The following RP9 variants were observed in gnomAD, a reference collection of about 807,000 sequenced individuals.
RP9 encodes the protein retinitis pigmentosa 9 protein.
A neutral mutation model predicts 32.6 loss-of-function variants in RP9; 23 were observed. The ratio of observed to expected loss-of-function variants is 0.71; its 90% confidence interval spans 0.51 to 1.00. RP9 has a LOEUF of 1.00. RP9 is among the 50% of genes least tolerant of loss of function. The pLI is 0.00. For missense variants in RP9, 245 were observed against 285.3 expected (o/e 0.86, Z 1.02); for synonymous variants, 94 against 103.6 (o/e 0.91, Z 0.56).
intron 1 of RP9, among the ~76,000 whole-genome samples, chr7:33,108,320 C>G (rs1788527795): frequency 6.6e-6 from 1 of 152,166 alleles, no homozygotes; most frequent in Admixed American, 6.5e-5. Context: ...CACTCGAGGT[C>G]TGTGTTAGAA....
chr7:33,105,493 G>A (rs967700675), intron 1 of RP9, among the ~76,000 whole-genome samples: 12 of 151,600 alleles, frequency 7.9e-5, no homozygotes, highest in African/African-American at 2.9e-4. Flanking sequence ...TTTTTTTAAA[G>A]AAGATAAAAT....
Position 33,095,157 on chromosome 7 carries a change from C to T in RP9, c.*77G>A. 1.3e-6 allele frequency: 2 copies of T among 1,583,508 alleles called. No homozygotes were observed. Among genetic ancestry groups the T allele is most frequent in the South Asian group, 2.2e-5 (2 of 90,178 alleles). On this transcript the variant is annotated 3_prime_UTR_variant, in exon 6 of 6. Coordinates refer to ENST00000297157, the MANE Select transcript of RP9 (RefSeq NM_203288.2). ...CTCCTCTCTCGGCGTCTCTATCCTG[C>T]TGCTTTCTCTGACTGCATCTTCCTC... is the stretch of plus-strand genomic sequence containing the variant.
rs1179597472 is a variant in RP9 at position 33,109,329 on chromosome 7, G to A, written c.44C>T (p.Ala15Val). Residue 15 changes from alanine to valine, a missense_variant, in exon 1 of 6, where the codon GCG becomes GTG. Around this residue, in one of 2 missense-constraint regions of RP9, gnomAD observed 182 missense variants for 175.5 expected, o/e 1.04. Transcript: ENST00000297157. This position sits in a 1 kb window ranked among gnomAD's most constrained non-coding sequence, Gnocchi z 4.9. ...PGREDVGAAG[A>V]RRPREPPEQE... ...CTCCGGCGGCTCACGCGGCCGCCGC[G>A]CGCCCGCAGCCCCCACGTCCTCGCG... 2 of 1,456,122 alleles carry A rather than the reference G, an allele frequency of 1.4e-6. No individual in the cohort carries two copies. The highest frequency in any genetic ancestry group is 4.9e-5 in the Admixed American group (2 of 41,152). The allele number at this position is 1,456,122 out of a possible 1,614,324, so 90.2% of individuals were successfully genotyped here. A position where few individuals can be genotyped will look rare whatever the true frequency, so the allele number is the denominator to read the frequency against.
At chr7:33,106,054 CA>C (rs1292959098) in intron 1 of RP9, among the ~76,000 whole-genome samples, 1 of 152,040 alleles carries the variant, frequency 6.6e-6, no homozygotes, top group East Asian at 1.9e-4. Context: ...AAGTGAAAAA[CA>C]AAGGCTCTTA....
intron 1 of RP9, among the ~76,000 whole-genome samples, chr7:33,108,612 G>T (rs13227545): frequency 0.28 from 42,724 of 151,982 alleles, 6,325 homozygotes; most frequent in Admixed American, 0.41. Flanking sequence ...AGCTGCTTGG[G>T]GGCAACTTTT....
chr7:33,109,145 C>T lies in RP9; in HGVS notation c.152+76G>A. On this transcript the variant is annotated intron_variant, in intron 1 of 5. Coordinates refer to ENST00000297157, the MANE Select transcript of RP9 (RefSeq NM_203288.2). The surrounding 1 kb of genome is among the most constrained non-coding windows in gnomAD (Gnocchi z 4.9). ...GGGGCTCGGAGGACCCGGCCTAGCGCCCACCGCGGCGTCCCGCGCCCCGGG... is the reference window on the plus strand; with the variant it reads ...GGGGCTCGGAGGACCCGGCCTAGCGTCCACCGCGGCGTCCCGCGCCCCGGG... The T allele has an allele frequency of 4.1e-6, 6 of 1,450,528 alleles. No individual in the cohort carries two copies. Among genetic ancestry groups the T allele is most frequent in the Non-Finnish European group, 4.5e-6 (5 of 1,102,172 alleles). 89.9% of individuals were successfully genotyped at this position (1,450,528 alleles called of 1,614,324 possible).
chr7:33,097,578 A>G (rs1442850140), intron 3 of RP9, among the ~76,000 whole-genome samples: 4 of 152,190 alleles, frequency 2.6e-5, no homozygotes, highest in African/African-American at 9.7e-5. Context: ...ATATTCTATC[A>G]CCAAGTATTT....
At chr7:33,095,979 C>T (rs914814564) in intron 5 of RP9, among the ~76,000 whole-genome samples, 12 of 152,090 alleles carry the variant, frequency 7.9e-5, no homozygotes, top group Admixed American at 7.2e-4. Context: ...ACTACAGGTG[C>T]GTGCTGCCAT....
At chr7:33,104,049 G>T (rs940724404) in intron 1 of RP9, among the ~76,000 whole-genome samples, 4 of 152,030 alleles carry the variant, frequency 2.6e-5, no homozygotes, top group Non-Finnish European at 4.4e-5. Flanking sequence ...AAAACAACTT[G>T]CAGAATGAGA....
chr7:33,101,340 G>A (rs947915326), intron 1 of RP9, among the ~76,000 whole-genome samples: 5 of 152,124 alleles, frequency 3.3e-5, no homozygotes, highest in African/African-American at 1.2e-4. Flanking sequence ...GGTGGCTCGC[G>A]CCTGTAATCC....
At chr7:33,095,485 C>T (rs1788317800) in intron 5 of RP9, 53 bp from the exon 6 acceptor site, 5 of 1,607,972 alleles carry the variant, frequency 3.1e-6, no homozygotes, top group Middle Eastern at 2.0e-4. Flanking sequence ...TAACTTACAA[C>T]AGTTGCTTAG....
chr7:33,096,413 C>T, intron 5 of RP9, 80 bp downstream of exon 5: 1 of 978,662 alleles, frequency 1.0e-6, no homozygotes, highest in South Asian at 1.3e-5. Flanking sequence ...CACCATTCCT[C>T]TAACACTAGA....
chr7:33,097,514 G>A (rs1788356139), intron 3 of RP9, 152 bp from the exon 4 acceptor site: 1 of 631,536 alleles, frequency 1.6e-6, no homozygotes. Flanking sequence ...CCCAGAAACA[G>A]AGGTAAACTA....
chr7:33,096,077 G>A (rs536957444), intron 5 of RP9, among the ~76,000 whole-genome samples: 4 of 152,266 alleles, frequency 2.6e-5, no homozygotes, highest in South Asian at 2.1e-4. Context: ...TCAGCGATCC[G>A]CTGGCCTCGG....
chr7:33,108,625 C>A (rs1013339668), intron 1 of RP9, among the ~76,000 whole-genome samples: 2 of 152,154 alleles, frequency 1.3e-5, no homozygotes, highest in Non-Finnish European at 2.9e-5. Context: ...CAACTTTTAT[C>A]GCCTGAGCGC....
At chr7:33,097,227 C>G (rs1185199393) in intron 4 of RP9, 44 bp downstream of exon 4, 1 of 1,400,804 alleles carries the variant, frequency 7.1e-7, no homozygotes, top group South Asian at 1.2e-5. Flanking sequence ...CTGATTTTCA[C>G]TATCTCTGAT....
Position 33,109,317 on chromosome 7 carries a change from C to G in RP9, c.56G>C (p.Arg19Pro), listed in dbSNP as rs1487119683. 6.8e-6 allele frequency: 10 copies of G among 1,460,150 alleles called. No individual in the cohort carries two copies. The highest frequency in any genetic ancestry group is 3.1e-5 in the East Asian group (1 of 32,590). 90.4% of individuals were successfully genotyped at this position (1,460,150 alleles called of 1,614,324 possible). ...DVGAAGARRP[R>P]EPPEQELQRR... is the part of the protein sequence containing the mutation. Reference sequence around the variant, plus strand: ...CTGCAGCTCCTGCTCCGGCGGCTCACGCGGCCGCCGCGCGCCCGCAGCCCC... The same window carrying G: ...CTGCAGCTCCTGCTCCGGCGGCTCAGGCGGCCGCCGCGCGCCCGCAGCCCC... The change falls in exon 1 of 6, where the codon CGT (arginine) becomes CCT (proline). Residue 19 changes from arginine to proline, a missense_variant. Physicochemically the swap from Arg to Pro is moderately radical, Grantham distance 103 (BLOSUM62 -2). Coordinates refer to ENST00000297157, the MANE Select transcript of RP9 (RefSeq NM_203288.2). This position sits in a 1 kb window ranked among gnomAD's most constrained non-coding sequence, Gnocchi z 4.9.
chr7:33,101,294 A>G (rs1007047164), intron 1 of RP9, among the ~76,000 whole-genome samples: 4 of 152,234 alleles, frequency 2.6e-5, no homozygotes, highest in African/African-American at 9.6e-5. Context: ...GAATAGACAA[A>G]GGGAAAAGTG....
chr7:33,109,399 A>AGCCCCCGCGGCGCCGCTCGGGC lies in RP9; in HGVS notation c.-28_-27insGCCCGAGCGGCGCCGCGGGGGC, dbSNP rs1305480028. On this transcript the variant is annotated 5_prime_UTR_variant, in exon 1 of 6. Coordinates refer to ENST00000297157, the MANE Select transcript of RP9 (RefSeq NM_203288.2). The surrounding 1 kb of genome is among the most constrained non-coding windows in gnomAD (Gnocchi z 4.9). ...TCAGCCCCCGCAGCGCCGCTCGGGC[A>AGCCCCCGCGGCGCCGCTCGGGC]ACCCCCGCGGCGCGGCTCCGGCGGC... 8.7e-7 allele frequency: 1 copy of AGCCCCCGCGGCGCCGCTCGGGC among 1,149,730 alleles called. No homozygotes were observed. The highest frequency in any genetic ancestry group is 5.5e-5 in the East Asian group (1 of 18,290). 71.2% of individuals were successfully genotyped at this position (1,149,730 alleles called of 1,614,324 possible).
Sources: allele counts gnomAD v4.1 joint callset (sites outside exome capture counted in the v4.1 genomes callset), GRCh38; gene constraint gnomAD v4.1.1; regional missense constraint gnomAD v4.1.1; non-coding constraint Gnocchi (gnomAD v3.1); transcripts MANE v1.5; gene names NCBI Gene and HGNC (gene_info 2026-07-23, HGNC 2026-07-21).